The following TSNARE1 variants were observed in gnomAD, a reference collection of about 807,000 sequenced individuals.
TSNARE1 encodes the protein t-SNARE domain containing 1.
TSNARE1 carries 49 observed loss-of-function variants against 62.0 expected under a neutral mutation model. That is an observed-to-expected ratio of 0.79 (90% CI 0.63 to 1.00). TSNARE1 has a LOEUF of 1.00. Ranked by LOEUF, TSNARE1 falls within the 50% of genes least tolerant of loss-of-function variation. TSNARE1 has a pLI of 0.00. For synonymous variants in TSNARE1, 328 were observed against 294.4 expected, an observed-to-expected ratio of 1.11 and a Z score of -1.17; for missense variants, 755 against 700.1, an observed-to-expected ratio of 1.08 and a Z score of -0.88.
chr8:142,365,789 T>TA (rs1835508990), intron 1 of TSNARE1: 3 of 292,828 alleles, frequency 1.0e-5, no homozygotes, highest in Non-Finnish European at 2.1e-5. Context: ...AAACCTAAAA[T>TA]AAAAACTCAC....
chr8:142,330,433 C>T (rs374399141), intron 6 of TSNARE1, among the ~76,000 whole-genome samples: 2 of 152,332 alleles, frequency 1.3e-5, no homozygotes, highest in South Asian at 4.1e-4. Context: ...CTCAACTCCC[C>T]GAAAGGGCAG....
chr8:142,346,245 C>T (rs1833355814), intron 2 of TSNARE1, among the ~76,000 whole-genome samples: 3 of 152,204 alleles, frequency 2.0e-5, no homozygotes, highest in African/African-American at 4.8e-5. Flanking sequence ...GCTCCAGCAT[C>T]GTTTAAGGCA....
intron 10 of TSNARE1, among the ~76,000 whole-genome samples, chr8:142,299,128 C>A (rs1364908941): frequency 6.6e-6 from 1 of 152,188 alleles, no homozygotes; most frequent in Non-Finnish European, 1.5e-5. Flanking sequence ...GAGGCGGGGG[C>A]CCCAAACACA....
At chr8:142,285,448 G>A (rs1244656502) in intron 10 of TSNARE1, among the ~76,000 whole-genome samples, 1 of 148,364 alleles carries the variant, frequency 6.7e-6, no homozygotes, top group East Asian at 2.1e-4. Context: ...GTGTGGGTGG[G>A]TGGGGTAGGT....
intron 1 of TSNARE1, among the ~76,000 whole-genome samples, chr8:142,385,058 A>T (rs368019613): frequency 1.3e-5 from 2 of 152,284 alleles, no homozygotes; most frequent in African/African-American, 4.8e-5. Flanking sequence ...AGGTGAGAGA[A>T]AAGCGAATGA....
chr8:142,349,874 G>T (rs188221215), intron 2 of TSNARE1, among the ~76,000 whole-genome samples: 127 of 152,164 alleles, frequency 8.3e-4, no homozygotes, highest in African/African-American at 2.9e-3. Flanking sequence ...AGGCAGGCAG[G>T]GTGGGTAGAC....
intron 12 of TSNARE1, among the ~76,000 whole-genome samples, chr8:142,246,219 C>T (rs1225722134): frequency 6.6e-6 from 1 of 152,094 alleles, no homozygotes; most frequent in African/African-American, 2.4e-5. Flanking sequence ...CACCTTGTAG[C>T]CACCCCTACC....
chr8:142,333,583 G>C (rs1222173012), intron 4 of TSNARE1, among the ~76,000 whole-genome samples: 1 of 152,142 alleles, frequency 6.6e-6, no homozygotes, highest in African/African-American at 2.4e-5. Flanking sequence ...CTGGATATCT[G>C]GGTTTCCACC....
rs71313213 is a variant in TSNARE1 at position 142,230,767 on chromosome 8, ACCATCCATCCAT to A, written c.1447-1200_1447-1189del. Among the ~76,000 whole-genome samples the A allele has an allele frequency of 1.5e-4, 22 of 148,694 alleles. 1 individual carries two copies. The highest frequency in any genetic ancestry group is 2.7e-4 in the Admixed American group (4 of 15,016). The stretch of plus-strand genomic sequence containing the variant: ...GTTGGGATGAAAATCCATTAATGCA[ACCATCCATCCAT>A]CCATCCATCCATCCATCCATCCATC... On this transcript the variant is annotated intron_variant, in intron 12 of 13. Coordinates refer to ENST00000524325, the MANE Select transcript of TSNARE1 (RefSeq NM_145003.5).
chr8:142,355,739 C>A (rs759456730), intron 1 of TSNARE1, among the ~76,000 whole-genome samples: 2 of 152,228 alleles, frequency 1.3e-5, no homozygotes, highest in Non-Finnish European at 2.9e-5. Context: ...CACCCGCCCA[C>A]ACAAACACCT....
intron 10 of TSNARE1, among the ~76,000 whole-genome samples, chr8:142,288,843 T>A (rs1420249362): frequency 1.3e-5 from 2 of 152,188 alleles, no homozygotes; most frequent in African/African-American, 4.8e-5. Context: ...ACACACAGAC[T>A]CCAAGCCTTC....
At position 142,344,385 on chromosome 8, in the gene TSNARE1, G is replaced by A. The variant is rs1833064406; in HGVS notation, c.326C>T (p.Pro109Leu). Residue 109 changes from proline to leucine, a missense_variant, in exon 4 of 14, where the codon CCC becomes CTC. Coordinates refer to ENST00000524325, the MANE Select transcript of TSNARE1 (RefSeq NM_145003.5). The part of the protein sequence containing the change: ...IGPRKDSAAG[P>L]HGRMAGPSTT... ...GCTGGGCCCCGCCATCCGGCCATGGGGCCCAGCAGCCGAGTCCTTCCTCGG... is the reference window on the plus strand; with the variant it reads ...GCTGGGCCCCGCCATCCGGCCATGGAGCCCAGCAGCCGAGTCCTTCCTCGG... 6.3e-7 allele frequency: 1 copy of A among 1,579,206 alleles called. No individual in the cohort carries two copies. The highest frequency in any genetic ancestry group is 1.2e-5 in the South Asian group (1 of 86,348).
chr8:142,259,856 C>T (rs1464641079), intron 12 of TSNARE1, among the ~76,000 whole-genome samples: 6 of 152,270 alleles, frequency 3.9e-5, no homozygotes, highest in Middle Eastern at 3.4e-3. Context: ...CGCCTTCCCC[C>T]GGGGGCACCT....
At chr8:142,227,932 AG>A (rs1317105152) in intron 13 of TSNARE1, among the ~76,000 whole-genome samples, 1 of 152,218 alleles carries the variant, frequency 6.6e-6, no homozygotes, top group Non-Finnish European at 1.5e-5. Context: ...AGACTCAAGT[AG>A]GGCAGCCTTG....
chr8:142,317,286 G>T (rs1315611907), intron 7 of TSNARE1, among the ~76,000 whole-genome samples: 2 of 141,124 alleles, frequency 1.4e-5, no homozygotes, highest in Non-Finnish European at 3.1e-5. Context: ...CACACTGTAC[G>T]CGTGAAGCGG....
chr8:142,391,039 G>A lies in TSNARE1; in HGVS notation c.-40+12065C>T, dbSNP rs576179967. Among the ~76,000 whole-genome samples, 11 of 148,470 alleles carry A rather than the reference G, an allele frequency of 7.4e-5. No homozygotes were observed. The East Asian group carries it at 2.2e-3, about 30-fold the overall frequency. On this transcript the variant is annotated intron_variant, in intron 1 of 13. Transcript: ENST00000524325. ...CTGTAACAGACGCTGTACACTGCGG[G>A]GGACTCTGTAACAGACGCTGTACAC... is the stretch of plus-strand genomic sequence containing the variant.
chr8:142,333,236 G>A (rs1368783623), intron 4 of TSNARE1, among the ~76,000 whole-genome samples: 1 of 152,146 alleles, frequency 6.6e-6, no homozygotes, highest in Non-Finnish European at 1.5e-5. Flanking sequence ...AAAGAAAAGT[G>A]AACGGCAAGT....
chr8:142,338,921 G>T (rs186232084), intron 4 of TSNARE1, among the ~76,000 whole-genome samples: 1 of 152,266 alleles, frequency 6.6e-6, no homozygotes, highest in African/African-American at 2.4e-5. Flanking sequence ...ACCATACACT[G>T]GCCCTGCGGT....
chr8:142,329,928 C>T (rs1440588833), intron 6 of TSNARE1, among the ~76,000 whole-genome samples: 1 of 152,248 alleles, frequency 6.6e-6, no homozygotes, highest in Non-Finnish European at 1.5e-5. Flanking sequence ...CAGGCGCCTG[C>T]GGATTTTGAA....
Sources: gnomAD v4.1 joint callset for allele counts (sites outside exome capture counted in the v4.1 genomes callset) on GRCh38, gnomAD v4.1.1 for gene constraint, MANE v1.5 for transcripts, NCBI Gene and HGNC (gene_info 2026-07-23, HGNC 2026-07-21) for gene names.